Variants in ERBIN observed in about 807,000 individuals in gnomAD.
ERBIN encodes the protein erbb2 interacting protein.
In ERBIN, 60 loss-of-function variants were observed where a neutral mutation model predicts 158.4. The ratio of observed to expected loss-of-function variants is 0.38; its 90% CI spans 0.31 to 0.47. ERBIN has a LOEUF of 0.47. Ranked by LOEUF, ERBIN falls within the 20% of genes least tolerant of loss-of-function variation. The probability of loss-of-function intolerance (pLI) is 0.99; values close to 1 mark genes in which losing one functional copy is unlikely to be tolerated. For missense variants in ERBIN, 1,610 were observed against 1,648.0 expected (o/e 0.98, Z 0.40); for synonymous variants, 594 against 557.2 (o/e 1.07, Z -0.93).
At chr5:65,938,682 AG>A (rs1490270678) in intron 1 of ERBIN, among the ~76,000 whole-genome samples, 3 of 152,048 alleles carry the variant, frequency 2.0e-5, no homozygotes, top group African/African-American at 7.3e-5. Flanking sequence ...CCTTCCAAGT[AG>A]CTGGGACTAC....
intron 1 of ERBIN, among the ~76,000 whole-genome samples, chr5:65,941,330 AAAGAAC>A (rs1444085739): frequency 3.6e-5 from 2 of 55,080 alleles, no homozygotes; most frequent in Non-Finnish European, 1.2e-4. Context: ...AAAAAAAAAA[AAAGAAC>A]AATACAAATA....
At chr5:65,940,421 G>A (rs1744743584) in intron 1 of ERBIN, among the ~76,000 whole-genome samples, 1 of 142,010 alleles carries the variant, frequency 7.0e-6, no homozygotes, top group Admixed American at 6.8e-5. Flanking sequence ...GAGGTGGGGG[G>A]GTCAGCCCCC....
chr5:66,010,937 C>G (rs551792388), intron 4 of ERBIN, among the ~76,000 whole-genome samples: 7 of 152,166 alleles, frequency 4.6e-5, no homozygotes, highest in Non-Finnish European at 1.0e-4. Flanking sequence ...GAATCTTTCA[C>G]TGCAGTTTGA....
At chr5:66,041,721 G>A (rs1027201922) in intron 15 of ERBIN, among the ~76,000 whole-genome samples, 1 of 151,956 alleles carries the variant, frequency 6.6e-6, no homozygotes, top group African/African-American at 2.4e-5. Flanking sequence ...GCTGGTGATT[G>A]AAATTACTGC....
At chr5:65,993,561 CATT>C (rs755229389) in intron 3 of ERBIN, among the ~76,000 whole-genome samples, 2 of 152,122 alleles carry the variant, frequency 1.3e-5, no homozygotes, top group African/African-American at 2.4e-5. Flanking sequence ...TTTTCCCTCT[CATT>C]ATCCTATACC....
chr5:65,996,865 A>G (rs969371011), intron 4 of ERBIN, among the ~76,000 whole-genome samples: 2 of 152,032 alleles, frequency 1.3e-5, no homozygotes, highest in Admixed American at 1.3e-4. Context: ...TTTATTTCTA[A>G]GTATTTTATT....
intron 1 of ERBIN, among the ~76,000 whole-genome samples, chr5:65,983,339 T>G (rs1750853973): frequency 6.6e-6 from 1 of 152,182 alleles, no homozygotes; most frequent in Admixed American, 6.5e-5. Flanking sequence ...TTATATATAT[T>G]TAGTTTTTGA....
At chr5:65,927,504 G>T (rs1455553635) in intron 1 of ERBIN, among the ~76,000 whole-genome samples, 1 of 151,880 alleles carries the variant, frequency 6.6e-6, no homozygotes. Context: ...GATCCATTAC[G>T]AAGAAAAAAG....
At chr5:66,072,828 T>A (rs1441524136) in intron 22 of ERBIN, among the ~76,000 whole-genome samples, 1 of 152,178 alleles carries the variant, frequency 6.6e-6, no homozygotes, top group Non-Finnish European at 1.5e-5. Flanking sequence ...TCAACTATTT[T>A]TTCTTATTTT....
At chr5:66,070,251 G>A (rs1761409505) in intron 21 of ERBIN, among the ~76,000 whole-genome samples, 1 of 151,968 alleles carries the variant, frequency 6.6e-6, no homozygotes, top group Admixed American at 6.6e-5. Flanking sequence ...CACTATGTTG[G>A]CCAGAGGTCT....
At chr5:66,003,982 A>C (rs1385683557) in intron 4 of ERBIN, among the ~76,000 whole-genome samples, 1 of 128,626 alleles carries the variant, frequency 7.8e-6, no homozygotes, top group African/African-American at 3.0e-5. Flanking sequence ...TTTGTTTCCC[A>C]GGCTGGAGTA....
At chr5:66,037,976 C>T (rs1757550154) in intron 14 of ERBIN, among the ~76,000 whole-genome samples, 1 of 152,012 alleles carries the variant, frequency 6.6e-6, no homozygotes, top group African/African-American at 2.4e-5. Flanking sequence ...ACTAACTGTT[C>T]CACATTTTTT....
At chr5:66,064,959 C>T (rs1760830973) in intron 21 of ERBIN, among the ~76,000 whole-genome samples, 1 of 152,168 alleles carries the variant, frequency 6.6e-6, no homozygotes, top group Admixed American at 6.5e-5. Context: ...TTCAGCCTCT[C>T]AAAGTGCTGT....
At position 66,044,309 on chromosome 5, in the gene ERBIN, A is replaced by G; in HGVS notation, c.1601A>G (p.Lys534Arg). The G allele has an allele frequency of 6.3e-7, 1 of 1,580,994 alleles. No homozygotes were observed. The highest frequency in any genetic ancestry group is 1.4e-5 in the African/African-American group (1 of 72,846). ...QQDINKDVGVKTSESTTTVKS... is the reference protein window; with the variant it reads ...QQDINKDVGVRTSESTTTVKS... ...GATATAAATAAAGATGTGGGTGTGAAGGTTAGAAAATTCAAAAGGATTAAC... is the reference window on the plus strand; with the variant it reads ...GATATAAATAAAGATGTGGGTGTGAGGGTTAGAAAATTCAAAAGGATTAAC... Residue 534 changes from lysine (K) to arginine (R), a missense_variant and splice_region_variant, in exon 17 of 26, where the codon AAG (lysine) becomes AGG (arginine). By Grantham distance (26) the Lys-to-Arg change is conservative. This residue lies in a region of ERBIN where 596 missense variants were observed against 711.9 expected (regional missense o/e 0.84). Transcript: ENST00000284037.
intron 1 of ERBIN, among the ~76,000 whole-genome samples, chr5:65,934,908 G>GT (rs1341624432): frequency 6.6e-6 from 1 of 151,802 alleles, no homozygotes; most frequent in African/African-American, 2.4e-5. Context: ...TTTCTTTTTT[G>GT]TTTTTGATAC....
Position 66,072,255 on chromosome 5 carries a change from T to TA in ERBIN, c.3721dup (p.Ser1241LysfsTer17). Reference sequence around the variant, plus strand: ...AGCAGAACTACTCATCAGCCACACTTAGTCACAAAGATGTTCCTCCAGACA... The same window carrying TA: ...AGCAGAACTACTCATCAGCCACACTTAAGTCACAAAGATGTTCCTCCAGACA... On this transcript the variant is annotated frameshift_variant, in exon 22 of 26. Transcript: ENST00000284037. LOFTEE classifies it high-confidence loss of function. 2 of 1,550,462 alleles carry TA rather than the reference T, an allele frequency of 1.3e-6. No homozygotes were observed. The highest frequency in any genetic ancestry group is 1.7e-6 in the Non-Finnish European group (2 of 1,146,920).
intron 3 of ERBIN, among the ~76,000 whole-genome samples, chr5:65,994,135 T>G (rs190420973): frequency 1.4e-4 from 22 of 152,300 alleles, no homozygotes; most frequent in African/African-American, 5.1e-4. Context: ...TGGTCTCATG[T>G]TTATGAACTA....
chr5:65,946,839 A>G lies in ERBIN; in HGVS notation c.-58+20033A>G, dbSNP rs547468669. Among the ~76,000 whole-genome samples the G allele has an allele frequency of 3.0e-4, 45 of 148,980 alleles. No homozygotes were observed. The South Asian group carries it at 9.1e-3, about 30-fold the overall frequency. The stretch of plus-strand genomic sequence containing the variant: ...AAAACTATTCTTATAGATAAGGAGT[A>G]TATCTCATCATGGTATTTCATGTTA... On this transcript the variant is annotated intron_variant, in intron 1 of 25. Coordinates refer to ENST00000284037, the MANE Select transcript of ERBIN (RefSeq NM_001253697.2).
At chr5:65,965,351 C>T (rs1430654219) in intron 1 of ERBIN, among the ~76,000 whole-genome samples, 1 of 144,968 alleles carries the variant, frequency 6.9e-6, no homozygotes, top group East Asian at 2.1e-4. Context: ...AGATCTATGA[C>T]AGGCTGTTCT....
Sources: gnomAD v4.1 joint callset for allele counts (sites outside exome capture counted in the v4.1 genomes callset) on GRCh38, gnomAD v4.1.1 for gene constraint, gnomAD v4.1.1 regional missense constraint, MANE v1.5 for transcripts, NCBI Gene and HGNC (gene_info 2026-07-23, HGNC 2026-07-21) for gene names.